The following ERCC4 variants were observed in gnomAD, a reference collection of about 807,000 sequenced individuals.
The protein encoded by ERCC4 is ERCC excision repair 4, endonuclease catalytic subunit.
Under a neutral mutation model 76.9 loss-of-function variants are expected in ERCC4, and 65 were observed. The observed-to-expected ratio is 0.84, with a 90% CI of 0.69 to 1.04. The LOEUF is 1.04. Among genes scored for constraint, ERCC4 ranks in the 50% least tolerant of loss-of-function variants. ERCC4 has a pLI of 0.00. For synonymous variants in ERCC4, 463 were observed against 410.1 expected (o/e 1.13, Z -1.56); for missense variants, 1,214 against 1,128.2 (o/e 1.08, Z -1.09).
intron 10 of ERCC4, among the ~76,000 whole-genome samples, chr16:13,946,830 G>A (rs574791992): frequency 2.0e-5 from 3 of 152,046 alleles, no homozygotes; most frequent in South Asian, 2.1e-4. Flanking sequence ...GTGCAGTCTC[G>A]GCTAACTGCA....
chr16:13,945,900 C>T (rs545134326), intron 10 of ERCC4, among the ~76,000 whole-genome samples: 5 of 152,314 alleles, frequency 3.3e-5, no homozygotes, highest in South Asian at 4.1e-4. Flanking sequence ...GCTGCTATAA[C>T]GAATTACCCC....
Position 13,934,247 on chromosome 16 carries a change from AG to A in ERCC4, c.1159del (p.Val387TyrfsTer2). The A allele has an allele frequency of 6.2e-7, 1 of 1,613,772 alleles. No individual in the cohort carries two copies. The highest frequency in any genetic ancestry group is 2.2e-5 in the East Asian group (1 of 44,838). The part of the protein sequence containing the change: ...SNPKWEALTE[V>X]LKEIEAENKE... Reference sequence around the variant, plus strand: ...ACCCAAAGTGGGAGGCACTGACTGAAGTATTAAAAGAAATTGAGGCAGAAAA... The same window carrying A: ...ACCCAAAGTGGGAGGCACTGACTGAATATTAAAAGAAATTGAGGCAGAAAA... On this transcript the variant is annotated frameshift_variant, in exon 7 of 11. Transcript: ENST00000311895. LOFTEE classifies it high-confidence loss of function.
At position 13,948,391 on chromosome 16, in the gene ERCC4, G is replaced by T; in HGVS notation, c.*44G>T. The stretch of plus-strand genomic sequence containing the variant: ...TTATCCCATGCCTGTACTTTTCAGC[G>T]GCTCCTTGCCAGACATCATAGGTCA... On this transcript the variant is annotated 3_prime_UTR_variant, in exon 11 of 11. Transcript: ENST00000311895. The T allele has an allele frequency of 4.4e-6, 7 of 1,596,912 alleles. No homozygotes were observed. The highest frequency in any genetic ancestry group is 6.0e-6 in the Non-Finnish European group (7 of 1,175,572).
chr16:13,924,917 G>A (rs1286772883), intron 2 of ERCC4, among the ~76,000 whole-genome samples: 1 of 152,072 alleles, frequency 6.6e-6, no homozygotes, highest in Admixed American at 6.5e-5. Context: ...ACTAAAGTAG[G>A]CTTTTGTGGA....
At chr16:13,923,023 A>AT (rs35175178) in intron 2 of ERCC4, among the ~76,000 whole-genome samples, 61,250 of 152,014 alleles carry the variant, frequency 0.4, 13,689 homozygotes, top group African/African-American at 0.6. Flanking sequence ...CCTCCTTAAG[A>AT]TTTTTTTGGC....
At position 13,937,761 on chromosome 16, in the gene ERCC4, T is replaced by C. The variant is rs2020952; in HGVS notation, c.1812-5T>C. 4.1e-4 allele frequency: 648 copies of C among 1,595,350 alleles called. 3 individuals carry two copies. In the African/African-American group the frequency reaches 6.7e-3, roughly 17 times the overall value. On this transcript the variant is annotated splice_region_variant and splice_polypyrimidine_tract_variant and intron_variant, in intron 8 of 10. Coordinates refer to ENST00000311895, the MANE Select transcript of ERCC4 (RefSeq NM_005236.3). ...CCAACCTAAAAGTTCTGTCTTAACATGCAGGGTTTACTTTCTTATATACGG... is the reference window on the plus strand; with the variant it reads ...CCAACCTAAAAGTTCTGTCTTAACACGCAGGGTTTACTTTCTTATATACGG...
rs765005836 is a variant in ERCC4 at position 13,947,616 on chromosome 16, G to A, written c.2020G>A (p.Gly674Ser). 1 of 1,614,082 alleles carries A rather than the reference G, an allele frequency of 6.2e-7. No individual in the cohort carries two copies. Among genetic ancestry groups the A allele is most frequent in the Admixed American group, 1.7e-5 (1 of 60,012 alleles). ...CATTACTTACTTTTTCTCTGTAGGT[G>A]GCCAGGAACAGAATGGTACACAGCA... ...DVSTDTRKAGGQEQNGTQQSI... is the reference protein window; with the variant it reads ...DVSTDTRKAGSQEQNGTQQSI... Residue 674 changes from glycine to serine, a missense_variant and splice_region_variant, in exon 11 of 11, where the codon GGC becomes AGC. By Grantham distance (56) the Gly-to-Ser change is moderately conservative. Coordinates refer to ENST00000311895, the MANE Select transcript of ERCC4 (RefSeq NM_005236.3).
rs1427861069 is a variant in ERCC4, at chr16:13,920,327, C to T, written c.162C>T (p.His54=). 1 of 1,599,446 alleles carries T rather than the reference C, an allele frequency of 6.3e-7. No individual in the cohort carries two copies. The highest frequency in any genetic ancestry group is 1.3e-5 in the African/African-American group (1 of 74,850). The change falls in exon 1 of 11, where the codon CAC becomes CAT. Residue 54 remains histidine (H), a synonymous_variant. Transcript: ENST00000311895. The part of the protein sequence containing the change: ...LLYHFLQLHC[H]PACLVLVLNT... Reference sequence around the variant, plus strand: ...ACCACTTTCTCCAGCTGCACTGCCACCCAGCCTGCCTGGTGCTGGTGCTCA... The same window carrying T: ...ACCACTTTCTCCAGCTGCACTGCCATCCAGCCTGCCTGGTGCTGGTGCTCA...
chr16:13,939,159 AGCC>A (rs1445337940), intron 9 of ERCC4, among the ~76,000 whole-genome samples: 7 of 152,230 alleles, frequency 4.6e-5, no homozygotes, highest in African/African-American at 1.7e-4. Context: ...GCATTATACC[AGCC>A]GCCTCTTGTT....
At chr16:13,941,954 C>A (rs951506018) in intron 9 of ERCC4, among the ~76,000 whole-genome samples, 1 of 152,160 alleles carries the variant, frequency 6.6e-6, no homozygotes, top group Non-Finnish European at 1.5e-5. Flanking sequence ...TGCAGTGGCT[C>A]ACGCCTGTAA....
chr16:13,934,704 CA>C, intron 7 of ERCC4: 1 of 231,148 alleles, frequency 4.3e-6, no homozygotes, highest in Non-Finnish European at 8.5e-6. Flanking sequence ...AGTATCTTTC[CA>C]AAAAAGCCTC....
intron 8 of ERCC4, among the ~76,000 whole-genome samples, chr16:13,937,292 A>G (rs965931281): frequency 3.9e-5 from 6 of 152,084 alleles, no homozygotes; most frequent in African/African-American, 1.4e-4. Context: ...TACGTCTTCC[A>G]TGCCCATGTA....
chr16:13,933,260 C>T (rs889198584), intron 6 of ERCC4: 1 of 164,334 alleles, frequency 6.1e-6, no homozygotes, highest in African/African-American at 2.4e-5. Context: ...TTTGAATATC[C>T]TTTTTAATTT....
In ERCC4 at chr16:13,930,184, A is replaced by G. The variant is rs558876082; in HGVS notation, c.793-526A>G. Among the ~76,000 whole-genome samples the G allele has an allele frequency of 4.0e-4, 61 of 152,204 alleles. No individual in the cohort carries two copies. In the South Asian group the frequency reaches 0.012, roughly 30 times the overall value. Reference sequence around the variant, plus strand: ...TATTTTAAAGGTCAAAAAACATGATACTCATGTACAAATTAAATAGCAATG... The same window carrying G: ...TATTTTAAAGGTCAAAAAACATGATGCTCATGTACAAATTAAATAGCAATG... On this transcript the variant is annotated intron_variant, in intron 4 of 10. Coordinates refer to ENST00000311895, the MANE Select transcript of ERCC4 (RefSeq NM_005236.3).
In ERCC4 at chr16:13,920,179, A is replaced by C; in HGVS notation, c.14A>C (p.Gln5Pro). ...GGAAGAGCTTCCATGGAGTCAGGGC[A>C]GCCGGCTCGACGGATTGCCATGGCG... The part of the protein sequence containing the change: MESG[Q>P]PARRIAMAPL... Residue 5 changes from glutamine to proline, a missense_variant, in exon 1 of 11, where the codon CAG (glutamine) becomes CCG (proline). Physicochemically the swap from Gln to Pro is moderately conservative, Grantham distance 76. Transcript: ENST00000311895. 1.2e-6 allele frequency: 2 copies of C among 1,605,840 alleles called. No homozygotes were observed. The highest frequency in any genetic ancestry group is 2.2e-5 in the South Asian group (2 of 91,066).
Position 13,934,104 on chromosome 16 carries a change from C to G in ERCC4, c.1103-88C>G, listed in dbSNP as rs545422664. The stretch of plus-strand genomic sequence containing the variant: ...AAATAAATGGGCATATGTACTGATG[C>G]TCGTGTTATCTGTTGTTTTAAAAGC... On this transcript the variant is annotated intron_variant, in intron 6 of 10. Coordinates refer to ENST00000311895, the MANE Select transcript of ERCC4 (RefSeq NM_005236.3). 8 of 796,120 alleles carry G rather than the reference C, an allele frequency of 1.0e-5. No individual in the cohort carries two copies. The East Asian group carries it at 2.0e-4, about 20-fold the overall frequency. 49.3% of individuals were successfully genotyped at this position (796,120 alleles called of 1,614,324 possible).
chr16:13,930,010 A>C (rs2032143596), intron 4 of ERCC4, among the ~76,000 whole-genome samples: 1 of 152,202 alleles, frequency 6.6e-6, no homozygotes, highest in South Asian at 2.1e-4. Flanking sequence ...TAATTTAACA[A>C]ATATTTTCCT....
At chr16:13,920,395 G>A (rs935566016) in intron 1 of ERCC4, 23 bp downstream of exon 1, 31 of 1,542,974 alleles carry the variant, frequency 2.0e-5, no homozygotes, top group Non-Finnish European at 2.6e-5. Context: ...TGGCGCGGGA[G>A]TGAGGGGACT....
chr16:13,943,283 G>A (rs1406642870), intron 9 of ERCC4, among the ~76,000 whole-genome samples: 1 of 152,140 alleles, frequency 6.6e-6, no homozygotes, highest in African/African-American at 2.4e-5. Flanking sequence ...AAATACCCCA[G>A]ACTTGGTAAT....
Sources: gnomAD v4.1 joint callset for allele counts (sites outside exome capture counted in the v4.1 genomes callset) on GRCh38, gnomAD v4.1.1 for gene constraint, MANE v1.5 for transcripts, NCBI Gene and HGNC (gene_info 2026-07-23, HGNC 2026-07-21) for gene names.